The following DCTPP1 variants were observed in gnomAD, a reference collection of about 807,000 sequenced individuals.
DCTPP1 encodes dCTP pyrophosphatase 1.
Under a neutral mutation model 8.8 loss-of-function variants are expected in DCTPP1, and 8 were observed. That is an observed-to-expected ratio of 0.91 (90% CI 0.54 to 1.64). The LOEUF (loss-of-function observed/expected upper bound fraction) is 1.64. Ranked by LOEUF, DCTPP1 falls within the 40% of genes most tolerant of loss-of-function variation. DCTPP1 has a pLI of 0.00. For synonymous variants in DCTPP1, 85 were observed against 92.1 expected, an observed-to-expected ratio of 0.92 and a Z score of 0.44; for missense variants, 231 against 230.4, an observed-to-expected ratio of 1.00 and a Z score of -0.02.
At chr16:30,429,003 C>G (rs1278850407) in intron 2 of DCTPP1, 54 bp downstream of exon 2, 7 of 1,503,936 alleles carry the variant, frequency 4.7e-6, no homozygotes, top group Non-Finnish European at 3.6e-6. Context: ...AATAAATGCT[C>G]CCCTCCCCTC....
chr16:30,429,798 C>G, intron 1 of DCTPP1, 82 bp downstream of exon 1: 2 of 1,403,494 alleles, frequency 1.4e-6, no homozygotes, highest in Non-Finnish European at 1.9e-6. Context: ...CAGCCCGCTT[C>G]CCGACCACGT....
chr16:30,428,865 A>G (rs2050208585), intron 2 of DCTPP1, 192 bp downstream of exon 2: 4 of 548,400 alleles, frequency 7.3e-6, no homozygotes. Flanking sequence ...CACACCTCAC[A>G]CCTCTCTCTT....
In DCTPP1 at chr16:30,424,041, C is replaced by T. The variant is rs920140776; in HGVS notation, c.*192G>A. The T allele has an allele frequency of 7.4e-6, 5 of 673,752 alleles. No homozygotes were observed. The highest frequency in any genetic ancestry group is 6.0e-5 in the Admixed American group (2 of 33,368). The allele number at this position is 673,752 out of a possible 1,614,324, so 41.7% of individuals were successfully genotyped here. On this transcript the variant is annotated 3_prime_UTR_variant, in exon 3 of 3. Transcript: ENST00000319285. ...CATCCAGGAATAATCTAGAAGTTAT[C>T]GCCCAAAACCATTTTACTGGGAGAA...
Position 30,430,001 on chromosome 16 carries a change from G to T in DCTPP1, c.-21C>A. 6.8e-7 allele frequency: 1 copy of T among 1,466,126 alleles called. No homozygotes were observed. 90.8% of individuals were successfully genotyped at this position (1,466,126 alleles called of 1,614,324 possible). On this transcript the variant is annotated 5_prime_UTR_variant, in exon 1 of 3. Coordinates refer to ENST00000319285, the MANE Select transcript of DCTPP1 (RefSeq NM_024096.2). The stretch of plus-strand genomic sequence containing the variant: ...GACATGCCGCCCACCGCTGCACCGC[G>T]ACTTCACGGAAAACCCACGAGCCAC...
intron 2 of DCTPP1, among the ~76,000 whole-genome samples, chr16:30,425,350 A>G (rs1404708374): frequency 3.3e-5 from 5 of 151,944 alleles, no homozygotes; most frequent in African/African-American, 1.2e-4. Flanking sequence ...TTAGCTGGGC[A>G]TGGTGGTGGG....
intron 2 of DCTPP1, 146 bp downstream of exon 2, chr16:30,428,911 G>A (rs1162466724): frequency 3.8e-6 from 3 of 799,256 alleles, no homozygotes; most frequent in Admixed American, 6.1e-5. Flanking sequence ...GCAGGGACCC[G>A]TGAGTCCTCT....
At chr16:30,425,877 G>A (rs2050189718) in intron 2 of DCTPP1, among the ~76,000 whole-genome samples, 2 of 152,124 alleles carry the variant, frequency 1.3e-5, no homozygotes, top group African/African-American at 4.8e-5. Context: ...CCCCTTCTCT[G>A]CTAAAATACA....
intron 2 of DCTPP1, among the ~76,000 whole-genome samples, chr16:30,428,696 G>A (rs1283948768): frequency 1.3e-5 from 2 of 152,188 alleles, no homozygotes; most frequent in East Asian, 3.9e-4. Flanking sequence ...AAACCCAGGA[G>A]GCGGATGTTG....
chr16:30,425,094 G>A lies in DCTPP1; in HGVS notation c.213-561C>T, dbSNP rs536306523. On this transcript the variant is annotated intron_variant, in intron 2 of 2. Transcript: ENST00000319285. ...AGGGTTTTGCCATATTGGCCAGGCT[G>A]GTCTCGAACTCCTGACCTCAGGTGA... Among the ~76,000 whole-genome samples, 779 of 152,282 alleles carry A rather than the reference G, an allele frequency of 5.1e-3. 6 individuals are homozygous for A. The highest frequency in any genetic ancestry group is 0.018 in the African/African-American group (752 of 41,566).
At chr16:30,428,904 G>C in intron 2 of DCTPP1, 153 bp downstream of exon 2, 1 of 730,146 alleles carries the variant, frequency 1.4e-6, no homozygotes, top group Non-Finnish European at 2.2e-6. Flanking sequence ...CTAGAGGGCA[G>C]GGACCCGTGA....
In DCTPP1 at chr16:30,429,989, C is replaced by T. The variant is rs746779815; in HGVS notation, c.-9G>A. ...CCACCGGCCACAGACATGCCGCCCA[C>T]CGCTGCACCGCGACTTCACGGAAAA... On this transcript the variant is annotated 5_prime_UTR_variant, in exon 1 of 3. It adds an upstream start codon to the 5' untranslated region. Transcript: ENST00000319285. 11 of 1,500,868 alleles carry T rather than the reference C, an allele frequency of 7.3e-6. No homozygotes were observed. The highest frequency in any genetic ancestry group is 1.8e-4 in the Middle Eastern group (1 of 5,692). The allele number at this position is 1,500,868 out of a possible 1,614,324, so 93.0% of individuals were successfully genotyped here. A position where few individuals can be genotyped will look rare whatever the true frequency, so the allele number is the denominator to read the frequency against.
At position 30,424,309 on chromosome 16, in the gene DCTPP1, T is replaced by G; in HGVS notation, c.437A>C (p.His146Pro). ...AGCCTGGTCTTCAGAGATGGCCCCA[T>G]GGGGCAATTCTGTATACTTGCGGGA... ...SSSRKYTELP[H>P]GAISEDQAVG... The change falls in exon 3 of 3, where the codon CAT (histidine) becomes CCT (proline). Residue 146 changes from histidine to proline, a missense_variant. Coordinates refer to ENST00000319285, the MANE Select transcript of DCTPP1 (RefSeq NM_024096.2). 1 of 1,614,222 alleles carries G rather than the reference T, an allele frequency of 6.2e-7. No individual in the cohort carries two copies. Among genetic ancestry groups the G allele is most frequent in the Non-Finnish European group, 8.5e-7 (1 of 1,180,036 alleles).
chr16:30,424,351 T>G lies in DCTPP1; in HGVS notation c.395A>C (p.His132Pro). ...CTTGCGGGAAGAGCTGCGGGCCAGA[T>G]GGGCTGGGTAGCGTCGCCGGTTGAT... ...MDINRRRYPA[H>P]LARSSSRKYT... The change falls in exon 3 of 3, where the codon CAT becomes CCT. Residue 132 changes from histidine (H) to proline (P), a missense_variant. Coordinates refer to ENST00000319285, the MANE Select transcript of DCTPP1 (RefSeq NM_024096.2). 1 of 1,614,216 alleles carries G rather than the reference T, an allele frequency of 6.2e-7. No homozygotes were observed. The highest frequency in any genetic ancestry group is 8.5e-7 in the Non-Finnish European group (1 of 1,180,040).
In DCTPP1 at chr16:30,424,456, C is replaced by T; in HGVS notation, c.290G>A (p.Ser97Asn). 1.2e-6 allele frequency: 2 copies of T among 1,614,210 alleles called. No homozygotes were observed. The highest frequency in any genetic ancestry group is 1.7e-6 in the Non-Finnish European group (2 of 1,180,044). The change falls in exon 3 of 3, where the codon AGT becomes AAT. Residue 97 changes from serine (S) to asparagine (N), a missense_variant. Transcript: ENST00000319285. ...RERAALQEEL[S>N]DVLIYLVALA... ...TGCCACCAGGTAGATGAGGACGTCA[C>T]TAAGCTCCTCTTGAAGGGCTGCCCG...
chr16:30,424,131 G>C lies in DCTPP1; in HGVS notation c.*102C>G. 1 of 1,404,424 alleles carries C rather than the reference G, an allele frequency of 7.1e-7. No homozygotes were observed. The highest frequency in any genetic ancestry group is 1.4e-5 in the African/African-American group (1 of 69,602). The allele number at this position is 1,404,424 out of a possible 1,614,324, so 87.0% of individuals were successfully genotyped here. ...CAGACCTCAAGAAGTGGAGGCCTCAGGCCCATGATCTATTCTGAAAAGACT... is the reference window on the plus strand; with the variant it reads ...CAGACCTCAAGAAGTGGAGGCCTCACGCCCATGATCTATTCTGAAAAGACT... On this transcript the variant is annotated 3_prime_UTR_variant, in exon 3 of 3. Coordinates refer to ENST00000319285, the MANE Select transcript of DCTPP1 (RefSeq NM_024096.2).
Position 30,429,948 on chromosome 16 carries a change from G to A in DCTPP1, c.33C>T (p.Asp11=). 6.3e-7 allele frequency: 1 copy of A among 1,583,600 alleles called. No homozygotes were observed. Among genetic ancestry groups the A allele is most frequent in the Non-Finnish European group, 8.6e-7 (1 of 1,166,482 alleles). ...GAGCAGCAGTGTCCTCTCCCCCCGT[G>A]TCCCCACGAATCTCCCCACCGGCCA... is the stretch of plus-strand genomic sequence containing the variant. MSVAGGEIRG[D]TGGEDTAAPG... The change falls in exon 1 of 3, where the codon GAC becomes GAT. Residue 11 remains aspartate, a synonymous_variant. Coordinates refer to ENST00000319285, the MANE Select transcript of DCTPP1 (RefSeq NM_024096.2).
At chr16:30,424,564 C>A in intron 2 of DCTPP1, 31 bp from the exon 3 acceptor site, 2 of 1,602,138 alleles carry the variant, frequency 1.2e-6, no homozygotes, top group Non-Finnish European at 1.7e-6. Context: ...GACACACACT[C>A]AGATGTAACC....
chr16:30,424,922 C>T (rs1401090330), intron 2 of DCTPP1, among the ~76,000 whole-genome samples: 5 of 152,218 alleles, frequency 3.3e-5, no homozygotes, highest in African/African-American at 7.2e-5. Context: ...CTCGCTCTGT[C>T]GCCCAGGCTG....
At position 30,429,360 on chromosome 16, in the gene DCTPP1, C is replaced by T; in HGVS notation, c.102-193G>A. 4 of 534,544 alleles carry T rather than the reference C, an allele frequency of 7.5e-6. No individual in the cohort carries two copies. In the South Asian group the frequency reaches 1.2e-4, roughly 15 times the overall value. 33.1% of individuals were successfully genotyped at this position (534,544 alleles called of 1,614,324 possible). The stretch of plus-strand genomic sequence containing the variant: ...TCCCTCATCTATAAAATGGGCGTGC[C>T]CCTGAACTGCCCTTAACATCTCGCC... On this transcript the variant is annotated intron_variant, in intron 1 of 2. Coordinates refer to ENST00000319285, the MANE Select transcript of DCTPP1 (RefSeq NM_024096.2).
Sources: gnomAD v4.1 joint callset for allele counts (sites outside exome capture counted in the v4.1 genomes callset) on GRCh38, gnomAD v4.1.1 for gene constraint, MANE v1.5 for transcripts, NCBI Gene and HGNC (gene_info 2026-07-23, HGNC 2026-07-21) for gene names.